The following WWOX variants were observed in gnomAD, a reference collection of about 807,000 sequenced individuals.
WWOX encodes WW domain-containing oxidoreductase.
Under a neutral mutation model 46.2 loss-of-function variants are expected in WWOX, and 69 were observed. The observed-to-expected ratio is 1.49, with a 90% CI of 1.23 to 1.82. WWOX has a LOEUF of 1.82. Among genes scored for constraint, WWOX ranks in the 40% most tolerant of loss-of-function variants. WWOX has a pLI of 0.00. For synonymous variants in WWOX, 359 were observed against 202.6 expected (o/e 1.77, Z -6.56); for missense variants, 919 against 542.6 (o/e 1.69, Z -6.89).
chr16:78,793,448 A>T (rs1476633056), intron 8 of WWOX, among the ~76,000 whole-genome samples: 4 of 152,164 alleles, frequency 2.6e-5, no homozygotes. Flanking sequence ...TTGAACATTG[A>T]CTTTCCTCAT....
intron 5 of WWOX, among the ~76,000 whole-genome samples, chr16:78,264,011 T>G (rs1409221948): frequency 1.4e-5 from 2 of 139,808 alleles, no homozygotes; most frequent in East Asian, 2.2e-4. Context: ...TTTTTTTTTT[T>G]TTTTGTTTTT....
intron 5 of WWOX, among the ~76,000 whole-genome samples, chr16:78,303,247 T>C (rs776684375): frequency 6.6e-6 from 1 of 152,234 alleles, no homozygotes; most frequent in African/African-American, 2.4e-5. Flanking sequence ...CTTTTTCTGA[T>C]AGACAAAGTA....
chr16:78,321,368 ATACG>A (rs2080474539), intron 5 of WWOX, among the ~76,000 whole-genome samples: 1 of 63,268 alleles, frequency 1.6e-5, no homozygotes, highest in Non-Finnish European at 3.1e-5. Context: ...GCGTATATAT[ATACG>A]TATATATGCG....
intron 8 of WWOX, among the ~76,000 whole-genome samples, chr16:78,690,557 T>G (rs756091669): frequency 1.1e-4 from 17 of 151,792 alleles, no homozygotes; most frequent in Non-Finnish European, 2.4e-4. Context: ...GTCTGAAAAT[T>G]AAAAAAAGAA....
intron 8 of WWOX, among the ~76,000 whole-genome samples, chr16:78,561,410 G>C (rs2044432006): frequency 6.6e-6 from 1 of 151,476 alleles, no homozygotes; most frequent in Non-Finnish European, 1.5e-5. Flanking sequence ...ACGTGATGAG[G>C]ATAGTTTCTT....
chr16:79,157,858 G>T (rs1480136648), intron 8 of WWOX, among the ~76,000 whole-genome samples: 1 of 152,196 alleles, frequency 6.6e-6, no homozygotes, highest in South Asian at 2.1e-4. Flanking sequence ...AAGTAGACTA[G>T]GGTTTGAGTA....
chr16:78,302,358 C>G (rs1373381437), intron 5 of WWOX, among the ~76,000 whole-genome samples: 1 of 152,124 alleles, frequency 6.6e-6, no homozygotes, highest in African/African-American at 2.4e-5. Context: ...TAATTATCAA[C>G]TAACTCCCAG....
In WWOX at chr16:79,081,869, C is replaced by G. The variant is rs917166481; in HGVS notation, c.1057-129739C>G. On this transcript the variant is annotated intron_variant, in intron 8 of 8. Transcript: ENST00000566780. ...CTCCCACCTCTGTGGGTTAGGACCC[C>G]TTTTTCTATCCTAGTTTCACTCTGA... Among the ~76,000 whole-genome samples, 8 of 152,254 alleles carry G rather than the reference C, an allele frequency of 5.3e-5. No individual in the cohort carries two copies. In the South Asian group the frequency reaches 1.7e-3, roughly 32 times the overall value.
intron 8 of WWOX, among the ~76,000 whole-genome samples, chr16:78,907,323 C>A (rs1367420001): frequency 6.6e-6 from 1 of 152,144 alleles, no homozygotes; most frequent in East Asian, 1.9e-4. Flanking sequence ...GAAGGCCAAC[C>A]TTAGGTTCTA....
intron 5 of WWOX, among the ~76,000 whole-genome samples, chr16:78,215,670 G>C (rs543619755): frequency 1.3e-5 from 2 of 152,258 alleles, no homozygotes; most frequent in East Asian, 3.9e-4. Context: ...GCTCATGCCT[G>C]TAATCCCAGC....
intron 5 of WWOX, among the ~76,000 whole-genome samples, chr16:78,194,456 T>A (rs2151767042): frequency 6.6e-6 from 1 of 151,526 alleles, no homozygotes; most frequent in Non-Finnish European, 1.5e-5. Flanking sequence ...GGCGTGGTGG[T>A]GGGCACCTGT....
At chr16:78,168,566 C>G (rs552289318) in intron 5 of WWOX, 2 of 152,164 alleles carry the variant, frequency 1.3e-5, no homozygotes, top group African/African-American at 4.8e-5. Context: ...CTTCCAAACT[C>G]CAAGTCTGTC....
intron 8 of WWOX, among the ~76,000 whole-genome samples, chr16:78,957,247 G>A (rs74032451): frequency 0.019 from 2,820 of 152,262 alleles, 72 homozygotes; most frequent in African/African-American, 0.063. Flanking sequence ...TTTGTGTGAC[G>A]AAATAATTAT....
At chr16:78,457,030 T>C (rs1271291795) in intron 8 of WWOX, among the ~76,000 whole-genome samples, 1 of 152,234 alleles carries the variant, frequency 6.6e-6, no homozygotes, top group Non-Finnish European at 1.5e-5. Flanking sequence ...GGATGGTTAA[T>C]TTGATGTTGA....
In WWOX at chr16:78,368,830, G is replaced by C. The variant is rs190974995; in HGVS notation, c.517-18030G>C. Among the ~76,000 whole-genome samples, 146 of 152,268 alleles carry C rather than the reference G, an allele frequency of 9.6e-4. 1 individual carries two copies. Among genetic ancestry groups the C allele is most frequent in the African/African-American group, 3.4e-3 (141 of 41,556 alleles). ...GATAGGTGACTACAGAGCCAGATTC[G>C]AATGTGGCCCTGTGCCGGTGCCCAA... On this transcript the variant is annotated intron_variant, in intron 5 of 8. Coordinates refer to ENST00000566780, the MANE Select transcript of WWOX (RefSeq NM_016373.4).
chr16:78,392,921 A>T (rs1463984706), intron 6 of WWOX, among the ~76,000 whole-genome samples: 1 of 152,104 alleles, frequency 6.6e-6, no homozygotes, highest in Non-Finnish European at 1.5e-5. Context: ...TGGTCAGCCC[A>T]GGAAGCCTCA....
At chr16:79,182,151 G>A in intron 8 of WWOX, among the ~76,000 whole-genome samples, 1 of 146,846 alleles carries the variant, frequency 6.8e-6, no homozygotes, top group East Asian at 2.0e-4. Context: ...GGCAAGGGAG[G>A]GACTCTTGTT....
Position 78,345,505 on chromosome 16 carries a change from G to C in WWOX, c.517-41355G>C, listed in dbSNP as rs2081079548. Among the ~76,000 whole-genome samples, 6 of 66,930 alleles carry C rather than the reference G, an allele frequency of 9.0e-5. 2 individuals carry two copies. In the South Asian group the frequency reaches 3.9e-3, roughly 44 times the overall value. 43.9% of individuals were successfully genotyped at this position (66,930 alleles called of 152,430 possible). On this transcript the variant is annotated intron_variant, in intron 5 of 8. Transcript: ENST00000566780. ...AAAAAAAAAAAAAAATTTTAGTCGG[G>C]TGTAATGGCACACCTGTAGTCCCAT...
chr16:79,051,020 C>T (rs928363281), intron 8 of WWOX, among the ~76,000 whole-genome samples: 6 of 152,216 alleles, frequency 3.9e-5, no homozygotes, highest in African/African-American at 9.7e-5. Flanking sequence ...CGGCTCTTCG[C>T]CCATTAACGC....
Sources: gnomAD v4.1 joint callset for allele counts (sites outside exome capture counted in the v4.1 genomes callset) on GRCh38, gnomAD v4.1.1 for gene constraint, MANE v1.5 for transcripts, NCBI Gene and HGNC (gene_info 2026-07-23, HGNC 2026-07-21) for gene names.